The following GPHN variants were observed in gnomAD, a reference collection of about 807,000 sequenced individuals.
GPHN encodes gephyrin.
GPHN carries 17 observed loss-of-function variants against 95.5 expected under a neutral mutation model. The observed-to-expected ratio is 0.18, with a 90% CI of 0.12 to 0.27. GPHN has a LOEUF of 0.27. Ranked by LOEUF, GPHN falls within the 10% of genes least tolerant of loss-of-function variation. GPHN has a pLI of 1.00. For missense variants in GPHN, 660 were observed against 978.1 expected, an observed-to-expected ratio of 0.67 and a Z score of 4.34; for synonymous variants, 320 against 322.5, an observed-to-expected ratio of 0.99 and a Z score of 0.08.
the GPHN span, among the ~76,000 whole-genome samples, chr14:67,557,054 G>C: frequency 2.0e-5 from 3 of 152,128 alleles, no homozygotes; most frequent in African/African-American, 7.2e-5. Context: ...TACTAACTAT[G>C]ACCTAGAGTG....
the GPHN span, chr14:67,651,180 T>G: frequency 9.7e-7 from 1 of 1,032,282 alleles, no homozygotes; most frequent in Non-Finnish European, 1.4e-6. Flanking sequence ...ATTTATTACC[T>G]TGGTATATCA....
chr14:67,337,043 CTG>C, the GPHN span, among the ~76,000 whole-genome samples: 15 of 152,270 alleles, frequency 9.9e-5, no homozygotes, highest in African/African-American at 3.6e-4. Context: ...CTCAAGTTTC[CTG>C]TGTCTCCAAT....
chr14:66,628,685 T>C (rs2153332777), intron 1 of GPHN, among the ~76,000 whole-genome samples: 1 of 152,250 alleles, frequency 6.6e-6, no homozygotes, highest in African/African-American at 2.4e-5. Flanking sequence ...TTACTTTAGC[T>C]TACTTTAATT....
At chr14:66,750,282 A>AT (rs112602540) in intron 2 of GPHN, among the ~76,000 whole-genome samples, 87 of 151,624 alleles carry the variant, frequency 5.7e-4, no homozygotes, top group African/African-American at 1.7e-3. Context: ...GTTTAGATTC[A>AT]TTTTTTTTGC....
the GPHN span, among the ~76,000 whole-genome samples, chr14:67,534,911 T>C: frequency 6.6e-6 from 1 of 152,246 alleles, no homozygotes; most frequent in African/African-American, 2.4e-5. Context: ...GTGTACATCA[T>C]TGAATATTCA....
intron 2 of GPHN, among the ~76,000 whole-genome samples, chr14:66,772,938 C>T (rs1324096638): frequency 6.6e-6 from 1 of 152,184 alleles, no homozygotes; most frequent in Non-Finnish European, 1.5e-5. Flanking sequence ...AATATATGAG[C>T]ACTTTAGAAA....
the GPHN span, among the ~76,000 whole-genome samples, chr14:67,413,739 G>A: frequency 6.6e-6 from 1 of 152,182 alleles, no homozygotes; most frequent in Non-Finnish European, 1.5e-5. Context: ...GCACTAACTG[G>A]CCTTCAGACT....
chr14:66,772,964 C>G (rs1415121420), intron 2 of GPHN, among the ~76,000 whole-genome samples: 1 of 152,138 alleles, frequency 6.6e-6, no homozygotes, highest in Non-Finnish European at 1.5e-5. Context: ...ATGCCTTGCC[C>G]TTGAAATCAC....
the GPHN span, among the ~76,000 whole-genome samples, chr14:67,222,575 C>G: frequency 4.6e-5 from 7 of 152,098 alleles, no homozygotes; most frequent in African/African-American, 1.7e-4. Context: ...CACCCTGGAC[C>G]TATTTAATGT....
At chr14:66,701,152 A>G (rs1445712330) in intron 2 of GPHN, among the ~76,000 whole-genome samples, 1 of 152,182 alleles carries the variant, frequency 6.6e-6, no homozygotes, top group Admixed American at 6.5e-5. Flanking sequence ...ATATATACAT[A>G]TGTATATATG....
chr14:66,946,247 A>G (rs1011025691), intron 8 of GPHN, among the ~76,000 whole-genome samples: 13 of 152,174 alleles, frequency 8.5e-5, no homozygotes, highest in African/African-American at 3.1e-4. Context: ...ATACCCAAAT[A>G]CGTAATAAAG....
the GPHN span, among the ~76,000 whole-genome samples, chr14:67,246,852 G>T: frequency 2.0e-5 from 3 of 151,874 alleles, no homozygotes; most frequent in East Asian, 3.9e-4. Flanking sequence ...GGGTTTCACC[G>T]TGTTGGCCAG....
At chr14:66,866,369 A>G (rs1357499348) in intron 4 of GPHN, among the ~76,000 whole-genome samples, 5 of 152,252 alleles carry the variant, frequency 3.3e-5, no homozygotes, top group East Asian at 1.9e-4. Context: ...AGGAATATCA[A>G]TATTCTTTCA....
At chr14:67,493,968 T>C in the GPHN span, among the ~76,000 whole-genome samples, 1 of 152,068 alleles carries the variant, frequency 6.6e-6, no homozygotes, top group Non-Finnish European at 1.5e-5. Flanking sequence ...CTGCTCTCCA[T>C]CTGAACCAAT....
chr14:66,844,598 G>A (rs1244672221), intron 4 of GPHN, among the ~76,000 whole-genome samples: 1 of 152,014 alleles, frequency 6.6e-6, no homozygotes, highest in Non-Finnish European at 1.5e-5. Flanking sequence ...GATAGATTTA[G>A]GGATACGGAA....
chr14:67,712,255 C>G, the GPHN span, among the ~76,000 whole-genome samples: 4 of 151,998 alleles, frequency 2.6e-5, no homozygotes, highest in Non-Finnish European at 5.9e-5. Flanking sequence ...TCTCTGAGCT[C>G]TGGGAGGAGC....
At chr14:66,643,179 G>T (rs1052869104) in intron 1 of GPHN, among the ~76,000 whole-genome samples, 6 of 151,964 alleles carry the variant, frequency 3.9e-5, no homozygotes, top group African/African-American at 1.4e-4. Flanking sequence ...AATCATTAGG[G>T]AAATGCAAGC....
Position 66,829,827 on chromosome 14 carries a change from A to C in GPHN, c.294+5261A>C, listed in dbSNP as rs548399070. On this transcript the variant is annotated intron_variant, in intron 4 of 22. Transcript: ENST00000478722. ...CCATGCTTGGTACTGAAGTTAAAAAATGAGTGAGACTTTCACAGGGGTAAG... is the reference window on the plus strand; with the variant it reads ...CCATGCTTGGTACTGAAGTTAAAAACTGAGTGAGACTTTCACAGGGGTAAG... Among the ~76,000 whole-genome samples the C allele has an allele frequency of 3.9e-5, 6 of 152,288 alleles. No individual in the cohort carries two copies. In the South Asian group the frequency reaches 1.2e-3, roughly 32 times the overall value.
At chr14:66,823,155 C>T (rs1263004975) in intron 3 of GPHN, 1 of 152,220 alleles carries the variant, frequency 6.6e-6, no homozygotes, top group Admixed American at 6.5e-5. Context: ...GCGCGCTCCA[C>T]CATGCTTGGC....
Sources: allele counts gnomAD v4.1 joint callset (sites outside exome capture counted in the v4.1 genomes callset), GRCh38; gene constraint gnomAD v4.1.1; transcripts MANE v1.5; gene names NCBI Gene and HGNC (gene_info 2026-07-23, HGNC 2026-07-21).